TBC1D8B: variants seen among roughly 807,000 people sequenced by gnomAD.
TBC1D8B encodes the protein TBC1 domain family member 8B.
In TBC1D8B, 75 loss-of-function variants were observed where a neutral mutation model predicts 82.9. The ratio of observed to expected loss-of-function variants is 0.90; its 90% CI spans 0.75 to 1.10. The LOEUF (loss-of-function observed/expected upper bound fraction) is 1.10, where lower values mean the gene tolerates loss of function less well. Among genes scored for constraint, TBC1D8B ranks in the 50% least tolerant of loss-of-function variants. The probability of loss-of-function intolerance (pLI) is 0.00; values close to 1 mark genes in which losing one functional copy is unlikely to be tolerated. For missense variants in TBC1D8B, 794 were observed against 796.9 expected (o/e 1.00, Z 0.04); for synonymous variants, 276 against 276.8 (o/e 1.00, Z 0.03).
chrX:106,866,910 T>C, intron 17 of TBC1D8B, 48 bp downstream of exon 17: 1 of 929,640 alleles, frequency 1.1e-6, no homozygotes, highest in Admixed American at 3.2e-5. Flanking sequence ...ATTTATTCCA[T>C]TTTAGCAAGT....
rs61326496 is a variant in TBC1D8B at position 106,872,455 on chromosome X, T to TTATATATATATATATATATATATA, written c.2968-1105_2968-1082dup. 5.5e-4 allele frequency among the ~76,000 whole-genome samples: 40 copies of TTATATATATATATATATATATATA among 73,290 alleles called. 1 individual carries two copies. Among genetic ancestry groups the TTATATATATATATATATATATATA allele is most frequent in the African/African-American group, 2.2e-3 (37 of 16,515 alleles). The allele number at this position is 73,290 out of a possible 115,157, so 63.6% of individuals were successfully genotyped here. On this transcript the variant is annotated intron_variant, in intron 20 of 20. Coordinates refer to ENST00000357242, the MANE Select transcript of TBC1D8B (RefSeq NM_017752.3). Reference sequence around the variant, plus strand: ...GTGAACTAGGAACCCAGAAAAATATTTATATATATATATATATATATATAT... The same window carrying TTATATATATATATATATATATATA: ...GTGAACTAGGAACCCAGAAAAATATTTATATATATATATATATATATATATATATATATATATATATATATATAT...
chrX:106,822,204 T>C lies in TBC1D8B; in HGVS notation c.586+2T>C. On this transcript the variant is annotated splice_donor_variant, in intron 4 of 20. Coordinates refer to ENST00000357242, the MANE Select transcript of TBC1D8B (RefSeq NM_017752.3). LOFTEE classifies it high-confidence loss of function. Reference sequence around the variant, plus strand: ...ATTCTTTTTTGTTGGGATCAGAAAGTAAGTGGTTTCTATTGCTTACTATGG... The same window carrying C: ...ATTCTTTTTTGTTGGGATCAGAAAGCAAGTGGTTTCTATTGCTTACTATGG... The C allele has an allele frequency of 8.4e-7, 1 of 1,191,926 alleles. No individual in the cohort carries two copies. Among genetic ancestry groups the C allele is most frequent in the Non-Finnish European group, 1.1e-6 (1 of 884,971 alleles).
chrX:106,821,903 C>A, intron 3 of TBC1D8B, 74 bp from the exon 4 acceptor site: 1 of 874,896 alleles, frequency 1.1e-6, no homozygotes, highest in Non-Finnish European at 1.6e-6. Context: ...TGTATTCAAT[C>A]AACTGTTTGA....
chrX:106,805,085 T>TG (rs1931148001), intron 1 of TBC1D8B, among the ~76,000 whole-genome samples: 1 of 85,883 alleles, frequency 1.2e-5, no homozygotes, highest in African/African-American at 4.4e-5. Flanking sequence ...TTTTTTTTTT[T>TG]TTTTTTTTTG....
At chrX:106,857,443 C>T (rs919619152) in intron 14 of TBC1D8B, among the ~76,000 whole-genome samples, 4 of 111,922 alleles carry the variant, frequency 3.6e-5, no homozygotes, top group African/African-American at 1.3e-4. Flanking sequence ...ATGGCCACCA[C>T]ACCCAGCCGC....
At chrX:106,835,047 G>A (rs1386607985) in intron 7 of TBC1D8B, among the ~76,000 whole-genome samples, 1 of 112,188 alleles carries the variant, frequency 8.9e-6, no homozygotes, top group Non-Finnish European at 1.9e-5. Context: ...GGGACTCTAT[G>A]TGGGGGCTCC....
chrX:106,818,706 T>C lies in TBC1D8B; in HGVS notation c.174T>C (p.Ala58=). The stretch of plus-strand genomic sequence containing the variant: ...TTGATTCAGTCTTGGACTCTACTGC[T>C]AAAGTAGCTCCATTTCGCATCCTAC... ...GTLDSVLDST[A]KVAPFRILHQ... is the part of the protein sequence containing the mutation. Residue 58 remains alanine, a synonymous_variant, in exon 2 of 21, where the codon GCT becomes GCC. Transcript: ENST00000357242. The C allele has an allele frequency of 8.3e-7, 1 of 1,209,385 alleles. No homozygotes were observed. The highest frequency in any genetic ancestry group is 1.1e-6 in the Non-Finnish European group (1 of 893,986).
At chrX:106,842,710 A>T (rs1932343659) in intron 10 of TBC1D8B, among the ~76,000 whole-genome samples, 1 of 110,447 alleles carries the variant, frequency 9.1e-6, no homozygotes, top group East Asian at 2.8e-4. Flanking sequence ...TAATGTTGAT[A>T]TATAATTCAC....
chrX:106,869,579 T>A (rs777380694), intron 19 of TBC1D8B, 38 bp downstream of exon 19: 1 of 1,095,858 alleles, frequency 9.1e-7, no homozygotes, highest in South Asian at 2.1e-5. Flanking sequence ...ATTTATTTAG[T>A]TATTTTTATG....
At chrX:106,823,564 T>G (rs182749315) in intron 5 of TBC1D8B, 98 bp downstream of exon 5, 1 of 973,368 alleles carries the variant, frequency 1.0e-6, no homozygotes, top group African/African-American at 1.9e-5. Context: ...CTATATTATA[T>G]GATAGGGTTT....
chrX:106,838,284 G>A (rs1380931728), intron 7 of TBC1D8B, among the ~76,000 whole-genome samples: 1 of 111,282 alleles, frequency 9.0e-6, no homozygotes, highest in Non-Finnish European at 1.9e-5. Context: ...TTAAGTTCTT[G>A]TTTCTATTTT....
At chrX:106,864,552 T>G (rs1355493639) in intron 14 of TBC1D8B, among the ~76,000 whole-genome samples, 2 of 86,740 alleles carry the variant, frequency 2.3e-5, no homozygotes, top group Non-Finnish European at 4.3e-5. Flanking sequence ...ACAGTCTCAC[T>G]CTGTCGCCCA....
chrX:106,807,967 C>T (rs1014292347), intron 1 of TBC1D8B, among the ~76,000 whole-genome samples: 8 of 110,259 alleles, frequency 7.3e-5, no homozygotes, highest in Admixed American at 9.7e-5. Flanking sequence ...GCAGGAGAAT[C>T]ACTTGAACCC....
At chrX:106,841,965 G>C (rs1456623905) in intron 10 of TBC1D8B, among the ~76,000 whole-genome samples, 2 of 111,559 alleles carry the variant, frequency 1.8e-5, no homozygotes, top group African/African-American at 3.3e-5. Context: ...GGAAGTCTGT[G>C]GAGTATAGCG....
At position 106,823,320 on chromosome X, in the gene TBC1D8B, G is replaced by A. The variant is rs767219068; in HGVS notation, c.681G>A (p.Glu227=). The stretch of plus-strand genomic sequence containing the variant: ...GTATTCACGTGTGTTCCCAAGGAGA[G>A]AATCACTACTTTTCAATGTTTTTGC... The part of the protein sequence containing the change: ...TESIHVCSQG[E]NHYFSMFLHI... Residue 227 remains glutamate (E), a synonymous_variant, in exon 5 of 21, where the codon GAG becomes GAA. Coordinates refer to ENST00000357242, the MANE Select transcript of TBC1D8B (RefSeq NM_017752.3). The A allele has an allele frequency of 2.5e-6, 3 of 1,210,276 alleles. No individual in the cohort carries two copies. Among genetic ancestry groups the A allele is most frequent in the Non-Finnish European group, 3.4e-6 (3 of 894,686 alleles).
Position 106,848,304 on chromosome X carries a change from G to A in TBC1D8B, c.1837+1G>A. The A allele has an allele frequency of 6.0e-6, 7 of 1,158,341 alleles. No homozygotes were observed. The highest frequency in any genetic ancestry group is 8.2e-6 in the Non-Finnish European group (7 of 856,011). ...GATTATTTTAATCGTCGAATTATTG[G>A]TAAAAGAAAAACCACACACACACAT... On this transcript the variant is annotated splice_donor_variant, in intron 11 of 20. Coordinates refer to ENST00000357242, the MANE Select transcript of TBC1D8B (RefSeq NM_017752.3). LOFTEE classifies it high-confidence loss of function.
intron 7 of TBC1D8B, among the ~76,000 whole-genome samples, chrX:106,831,002 G>A (rs1228318655): frequency 9.1e-6 from 1 of 109,457 alleles, no homozygotes; most frequent in Admixed American, 9.7e-5. Flanking sequence ...AGGACAAGGA[G>A]GATTTTGATG....
intron 1 of TBC1D8B, among the ~76,000 whole-genome samples, chrX:106,817,902 A>G (rs1341420237): frequency 1.8e-5 from 2 of 110,806 alleles, no homozygotes; most frequent in Admixed American, 1.9e-4. Context: ...TGCTTAGCAA[A>G]GACCCTATGG....
chrX:106,812,176 G>A (rs180855987), intron 1 of TBC1D8B, among the ~76,000 whole-genome samples: 3 of 111,842 alleles, frequency 2.7e-5, no homozygotes, highest in Non-Finnish European at 5.6e-5. Flanking sequence ...CATTCATAGT[G>A]TCATTTTAAG....
Sources: allele counts gnomAD v4.1 joint callset (sites outside exome capture counted in the v4.1 genomes callset), GRCh38; gene constraint gnomAD v4.1.1; transcripts MANE v1.5; gene names NCBI Gene and HGNC (gene_info 2026-07-23, HGNC 2026-07-21).